COL24A1: variants seen among roughly 807,000 people sequenced by gnomAD.
COL24A1 encodes collagen alpha-1(XXIV) chain.
COL24A1 carries 224 observed loss-of-function variants against 253.9 expected under a neutral mutation model. The ratio of observed to expected loss-of-function variants is 0.88; its 90% CI spans 0.79 to 0.99. The LOEUF (loss-of-function observed/expected upper bound fraction) is 0.99. COL24A1 is among the 50% of genes least tolerant of loss of function. The pLI, the probability that COL24A1 is intolerant of heterozygous loss-of-function variation, is 0.00. For missense variants in COL24A1, 2,131 were observed against 2,068.5 expected, an observed-to-expected ratio of 1.03 and a Z score of -0.59; for synonymous variants, 685 against 673.7, an observed-to-expected ratio of 1.02 and a Z score of -0.26.
chr1:85,981,844 A>G (rs945942195), intron 20 of COL24A1, among the ~76,000 whole-genome samples: 5 of 152,176 alleles, frequency 3.3e-5, no homozygotes, highest in African/African-American at 1.2e-4. Flanking sequence ...AGGACTTTGG[A>G]GTATTCATCA....
intron 37 of COL24A1, among the ~76,000 whole-genome samples, chr1:85,862,246 T>C (rs1335510017): frequency 6.6e-6 from 1 of 152,196 alleles, no homozygotes; most frequent in African/African-American, 2.4e-5. Flanking sequence ...TTCCCCACTG[T>C]ATCCCTAATG....
At chr1:86,071,529 G>A (rs1333610400) in intron 7 of COL24A1, among the ~76,000 whole-genome samples, 1 of 151,926 alleles carries the variant, frequency 6.6e-6, no homozygotes, top group Non-Finnish European at 1.5e-5. Flanking sequence ...TATACACATA[G>A]ACTGAAAATA....
At chr1:86,051,034 G>A (rs551103549) in intron 10 of COL24A1, among the ~76,000 whole-genome samples, 77 of 152,072 alleles carry the variant, frequency 5.1e-4, no homozygotes, top group Non-Finnish European at 9.6e-4. Flanking sequence ...ATGCACTGAT[G>A]TTATGCTGTA....
intron 19 of COL24A1, among the ~76,000 whole-genome samples, chr1:85,995,055 AAC>A (rs1694646582): frequency 6.6e-6 from 1 of 152,222 alleles, no homozygotes; most frequent in African/African-American, 2.4e-5. Context: ...CTGAAAACTC[AAC>A]AGAGAAAATC....
At chr1:86,040,614 TGGGTGTCCTTCTTCTTA>T (rs372044992) in intron 12 of COL24A1, among the ~76,000 whole-genome samples, 2 of 152,030 alleles carry the variant, frequency 1.3e-5, no homozygotes, top group African/African-American at 4.8e-5. Context: ...TGTAGTTCAT[TGGGTGTCCTTCTTCTTA>T]GTGTCTATGC....
intron 24 of COL24A1, among the ~76,000 whole-genome samples, chr1:85,957,414 T>A (rs1690577612): frequency 6.6e-6 from 1 of 152,096 alleles, no homozygotes; most frequent in Non-Finnish European, 1.5e-5. Context: ...AATTTGCAGG[T>A]GAGAGGAAGA....
chr1:86,023,124 G>A (rs949671711), intron 14 of COL24A1, 117 bp from the exon 15 acceptor site: 3 of 812,102 alleles, frequency 3.7e-6, no homozygotes, highest in African/African-American at 3.5e-5. Flanking sequence ...GCTCCTACAC[G>A]TGCCTTGTTC....
chr1:86,104,675 A>G (rs1246808239), intron 5 of COL24A1, among the ~76,000 whole-genome samples: 1 of 152,192 alleles, frequency 6.6e-6, no homozygotes, highest in African/African-American at 2.4e-5. Context: ...CCTGGACTAC[A>G]TGCTCTAACA....
chr1:85,965,084 G>A (rs1691433249), intron 22 of COL24A1, 22 bp from the exon 23 acceptor site: 1 of 1,589,482 alleles, frequency 6.3e-7, no homozygotes, highest in South Asian at 1.2e-5. Context: ...CAGCATAAAA[G>A]AAGAAAGTAT....
intron 3 of COL24A1, 81 bp from the exon 4 acceptor site, chr1:86,115,459 A>G: frequency 1.5e-6 from 2 of 1,356,510 alleles, no homozygotes; most frequent in Non-Finnish European, 2.1e-6. Context: ...ATTTCCACCC[A>G]AAGACAACTC....
intron 59 of COL24A1, 117 bp downstream of exon 59, chr1:85,734,632 C>T: frequency 1.2e-6 from 1 of 866,286 alleles, no homozygotes; most frequent in Non-Finnish European, 1.8e-6. Context: ...TTAAAACTTA[C>T]TACCCTTCTG....
At chr1:85,738,641 C>G (rs565368612) in intron 57 of COL24A1, among the ~76,000 whole-genome samples, 89 of 152,306 alleles carry the variant, frequency 5.8e-4, no homozygotes, top group Middle Eastern at 6.8e-3. Flanking sequence ...ATTAAAAACG[C>G]AAGAACATTC....
At chr1:86,113,215 T>C (rs1705787210) in intron 4 of COL24A1, among the ~76,000 whole-genome samples, 1 of 152,238 alleles carries the variant, frequency 6.6e-6, no homozygotes, top group African/African-American at 2.4e-5. Context: ...TTCTCATTAC[T>C]AATCCTTATA....
intron 55 of COL24A1, among the ~76,000 whole-genome samples, chr1:85,745,944 A>C (rs1478306400): frequency 6.6e-6 from 1 of 152,218 alleles, no homozygotes; most frequent in Non-Finnish European, 1.5e-5. Context: ...TCACCACATT[A>C]ATTTAATCTG....
intron 7 of COL24A1, among the ~76,000 whole-genome samples, chr1:86,083,035 C>G (rs1702769087): frequency 6.6e-6 from 1 of 151,974 alleles, no homozygotes. Flanking sequence ...CGGTGGCTCA[C>G]GCCTGTAATC....
In COL24A1 at chr1:85,907,271, A is replaced by C. The variant is rs1311475764; in HGVS notation, c.2725-24T>G. 2.5e-6 allele frequency: 4 copies of C among 1,594,960 alleles called. No homozygotes were observed. The South Asian group carries it at 4.4e-5, about 18-fold the overall frequency. ...CCCTATATGTTGTAAATTTAAAGTC[A>C]GTTGTAGAATTTACAAGAATACTAT... On this transcript the variant is annotated intron_variant, in intron 27 of 59. Coordinates refer to ENST00000370571, the MANE Select transcript of COL24A1 (RefSeq NM_152890.7).
At chr1:85,986,223 G>C (rs979163049) in intron 20 of COL24A1, among the ~76,000 whole-genome samples, 4 of 151,480 alleles carry the variant, frequency 2.6e-5, no homozygotes, top group Non-Finnish European at 5.9e-5. Context: ...TTTCTTGAAA[G>C]TAGGGATCTC....
chr1:86,141,987 C>T (rs994968122), intron 2 of COL24A1, among the ~76,000 whole-genome samples: 3 of 152,020 alleles, frequency 2.0e-5, no homozygotes, highest in African/African-American at 7.2e-5. Flanking sequence ...GCATGAGCCT[C>T]GCATCTGGCC....
intron 2 of COL24A1, among the ~76,000 whole-genome samples, chr1:86,129,694 G>A (rs1648860861): frequency 6.6e-6 from 1 of 151,550 alleles, no homozygotes; most frequent in African/African-American, 2.4e-5. Flanking sequence ...CAGTTAGGAA[G>A]GTCTTTTTGT....
Sources: gnomAD v4.1 joint callset for allele counts (sites outside exome capture counted in the v4.1 genomes callset) on GRCh38, gnomAD v4.1.1 for gene constraint, MANE v1.5 for transcripts, NCBI Gene and HGNC (gene_info 2026-07-23, HGNC 2026-07-21) for gene names.